Variants in KLRG1 observed in about 807,000 individuals in gnomAD.
The protein encoded by KLRG1 is killer cell lectin-like receptor subfamily G member 1.
KLRG1 carries 16 observed loss-of-function variants against 21.8 expected under a neutral mutation model. That is an observed-to-expected ratio of 0.73 (90% CI 0.50 to 1.11). KLRG1 has a LOEUF of 1.11. Among genes scored for constraint, KLRG1 ranks in the 50% most tolerant of loss-of-function variants. KLRG1 has a pLI of 0.00. For synonymous variants in KLRG1, 69 were observed against 75.9 expected (o/e 0.91, Z 0.47); for missense variants, 173 against 218.3 (o/e 0.79, Z 1.31).
At chr12:9,196,671 G>T in the KLRG1 span, 1 of 1,609,964 alleles carries the variant, frequency 6.2e-7, no homozygotes, top group South Asian at 1.1e-5. Flanking sequence ...GGGTGATGCA[G>T]CCATTGCTGT....
the KLRG1 span, chr12:9,112,334 T>G: frequency 6.2e-7 from 1 of 1,603,764 alleles, no homozygotes; most frequent in African/African-American, 1.3e-5. Context: ...GGGAAGAAGA[T>G]CTTTCCTTTT....
chr12:9,108,514 T>C, the KLRG1 span, among the ~76,000 whole-genome samples: 12 of 152,218 alleles, frequency 7.9e-5, no homozygotes, highest in Admixed American at 5.2e-4. Context: ...CCTTTCCTAT[T>C]TGAGAATGTC....
chr12:9,192,378 C>T, the KLRG1 span: 3 of 1,285,034 alleles, frequency 2.3e-6, no homozygotes, highest in South Asian at 3.8e-5. Context: ...CTCAAGAAAA[C>T]TCATGGAATG....
At chr12:9,139,242 C>T in the KLRG1 span, among the ~76,000 whole-genome samples, 1 of 151,974 alleles carries the variant, frequency 6.6e-6, no homozygotes, top group African/African-American at 2.4e-5. Context: ...TTCCAGTCTT[C>T]CTTCTGTTAT....
chr12:9,009,868 A>G lies in KLRG1; in HGVS notation c.*331A>G, dbSNP rs1258302284. On this transcript the variant is annotated 3_prime_UTR_variant, in exon 5 of 5. Transcript: ENST00000356986. Reference sequence around the variant, plus strand: ...TCTCTGTCAAAAATATACCTTTTTCATATGATATTCTGAGCTAATCTGATA... The same window carrying G: ...TCTCTGTCAAAAATATACCTTTTTCGTATGATATTCTGAGCTAATCTGATA... 1 of 1,480,142 alleles carries G rather than the reference A, an allele frequency of 6.8e-7. No homozygotes were observed. The highest frequency in any genetic ancestry group is 8.9e-7 in the Non-Finnish European group (1 of 1,120,804). 91.7% of individuals were successfully genotyped at this position (1,480,142 alleles called of 1,614,324 possible).
chr12:9,087,848 C>T, the KLRG1 span, among the ~76,000 whole-genome samples: 2 of 151,956 alleles, frequency 1.3e-5, no homozygotes, highest in South Asian at 2.1e-4. Context: ...TGCTCTCTGA[C>T]TCAGGAATTT....
At chr12:9,079,245 A>G in the KLRG1 span, 1 of 1,613,018 alleles carries the variant, frequency 6.2e-7, no homozygotes, top group Non-Finnish European at 8.5e-7. Context: ...TTTCCTTACC[A>G]GGTGTTGCCC....
the KLRG1 span, among the ~76,000 whole-genome samples, chr12:9,200,693 CT>C: frequency 6.6e-6 from 1 of 152,172 alleles, no homozygotes; most frequent in African/African-American, 2.4e-5. Flanking sequence ...AAGTTTCATA[CT>C]TGGCAAAGCG....
the KLRG1 span, among the ~76,000 whole-genome samples, chr12:9,129,837 C>T: frequency 6.6e-6 from 1 of 152,158 alleles, no homozygotes; most frequent in East Asian, 1.9e-4. Context: ...CGTGAGCCAC[C>T]GCGCCTGGTG....
At chr12:9,203,995 T>G in the KLRG1 span, 1 of 1,516,988 alleles carries the variant, frequency 6.6e-7, no homozygotes, top group Non-Finnish European at 9.0e-7. Flanking sequence ...CTGATGATAG[T>G]AAGCGTTTTC....
chr12:9,109,774 G>T, the KLRG1 span: 1 of 1,276,560 alleles, frequency 7.8e-7, no homozygotes, highest in Non-Finnish European at 1.1e-6. Flanking sequence ...TCACCCATGG[G>T]AAATGGAAAG....
intron 1 of KLRG1, among the ~76,000 whole-genome samples, chr12:8,958,711 G>A (rs1252307648): frequency 6.6e-6 from 1 of 152,134 alleles, no homozygotes; most frequent in East Asian, 1.9e-4. Context: ...CTAAGAATTA[G>A]CTGAGCGTGG....
chr12:8,980,363 T>C (rs757370943), intron 1 of KLRG1, among the ~76,000 whole-genome samples: 4 of 152,262 alleles, frequency 2.6e-5, no homozygotes, highest in Non-Finnish European at 5.9e-5. Flanking sequence ...ACTTTAACTT[T>C]GAATTCTTTG....
chr12:9,136,807 G>A, the KLRG1 span, among the ~76,000 whole-genome samples: 1 of 152,070 alleles, frequency 6.6e-6, no homozygotes, highest in African/African-American at 2.4e-5. Context: ...ATACCTATTG[G>A]CCATTTGTAT....
the KLRG1 span, among the ~76,000 whole-genome samples, chr12:9,087,439 T>C: frequency 6.6e-6 from 1 of 152,164 alleles, no homozygotes; most frequent in Non-Finnish European, 1.5e-5. Context: ...TTCTCATTTG[T>C]ATGTGGAAGC....
the KLRG1 span, among the ~76,000 whole-genome samples, chr12:9,198,205 G>T: frequency 1.3e-5 from 2 of 151,616 alleles, no homozygotes; most frequent in African/African-American, 4.8e-5. Flanking sequence ...AAAAAGATTA[G>T]CTGGGTATGG....
At chr12:9,050,561 C>T in the KLRG1 span, among the ~76,000 whole-genome samples, 30 of 152,094 alleles carry the variant, frequency 2.0e-4, no homozygotes, top group African/African-American at 7.2e-4. Context: ...GGAGCCCCGT[C>T]CTCCTGGGTG....
At chr12:9,057,640 G>C in the KLRG1 span, 3 of 152,546 alleles carry the variant, frequency 2.0e-5, no homozygotes, top group Non-Finnish European at 4.4e-5. Context: ...GTAATCATAG[G>C]CTTTCACAAA....
chr12:9,033,343 G>A, the KLRG1 span, among the ~76,000 whole-genome samples: 14 of 152,118 alleles, frequency 9.2e-5, no homozygotes, highest in Admixed American at 5.9e-4. Flanking sequence ...TACTAGGGAG[G>A]CTGAGGTGAG....
Sources: allele counts gnomAD v4.1 joint callset (sites outside exome capture counted in the v4.1 genomes callset), GRCh38; gene constraint gnomAD v4.1.1; transcripts MANE v1.5; gene names NCBI Gene and HGNC (gene_info 2026-07-23, HGNC 2026-07-21).